SAR1A: variants seen among roughly 807,000 people sequenced by gnomAD.
SAR1A encodes small COPII coat GTPase SAR1A.
SAR1A carries 6 observed loss-of-function variants against 22.6 expected under a neutral mutation model. The ratio of observed to expected loss-of-function variants is 0.27; its 90% confidence interval spans 0.15 to 0.52. SAR1A has a LOEUF of 0.52. Among genes scored for constraint, SAR1A ranks in the 20% least tolerant of loss-of-function variants. The pLI, the probability that SAR1A is intolerant of heterozygous loss-of-function variation, is 0.96. For synonymous variants in SAR1A, 70 were observed against 82.2 expected (o/e 0.85, Z 0.80); for missense variants, 145 against 245.1 (o/e 0.59, Z 2.73).
At chr10:70,168,411 A>G (rs1839580208) in intron 1 of SAR1A, among the ~76,000 whole-genome samples, 1 of 152,158 alleles carries the variant, frequency 6.6e-6, no homozygotes, top group Non-Finnish European at 1.5e-5. Context: ...CCTGGCCAAC[A>G]TGGTGAAACC....
intron 1 of SAR1A, among the ~76,000 whole-genome samples, chr10:70,169,654 T>C (rs184498266): frequency 1.3e-5 from 2 of 152,162 alleles, no homozygotes; most frequent in Admixed American, 1.3e-4. Context: ...TTTGGGGTAG[T>C]AGGCGGCTGG....
intron 1 of SAR1A, chr10:70,162,873 A>G (rs772610728): frequency 3.9e-5 from 6 of 152,278 alleles, no homozygotes; most frequent in Admixed American, 3.9e-4. Flanking sequence ...CATTATTCTT[A>G]TATCTGTCAT....
intron 1 of SAR1A, chr10:70,163,927 G>A: frequency 1.9e-6 from 3 of 1,591,670 alleles, no homozygotes. Flanking sequence ...GACACAGACA[G>A]TGAAGAAGAA....
chr10:70,161,143 T>C, intron 3 of SAR1A, 74 bp from the exon 4 acceptor site: 2 of 1,015,710 alleles, frequency 2.0e-6, no homozygotes, highest in Non-Finnish European at 3.0e-6. Context: ...TATAAGCCAA[T>C]ATCAATGCTT....
intron 1 of SAR1A, among the ~76,000 whole-genome samples, chr10:70,162,167 C>G (rs1688736691): frequency 6.6e-6 from 1 of 151,872 alleles, no homozygotes. Flanking sequence ...AAGCTGGACT[C>G]AATCTCTACA....
intron 6 of SAR1A, 69 bp downstream of exon 6, chr10:70,153,769 G>C: frequency 3.8e-6 from 5 of 1,316,364 alleles, no homozygotes; most frequent in Non-Finnish European, 5.1e-6. Context: ...GGGTAATCTA[G>C]ATAGCGAAAC....
At chr10:70,159,876 GAATCTGGAAACC>G (rs1839445563) in intron 4 of SAR1A, among the ~76,000 whole-genome samples, 2 of 152,170 alleles carry the variant, frequency 1.3e-5, no homozygotes, top group Non-Finnish European at 2.9e-5. Context: ...CACCTGATAG[GAATCTGGAAACC>G]AAAGACATAG....
At chr10:70,168,389 G>A (rs1020258722) in intron 1 of SAR1A, among the ~76,000 whole-genome samples, 1 of 152,178 alleles carries the variant, frequency 6.6e-6, no homozygotes, top group Admixed American at 6.5e-5. Context: ...GAGGTCAGGA[G>A]TTCGAGATCA....
At chr10:70,167,767 T>G (rs1423541148) in intron 1 of SAR1A, among the ~76,000 whole-genome samples, 1 of 152,220 alleles carries the variant, frequency 6.6e-6, no homozygotes, top group Non-Finnish European at 1.5e-5. Flanking sequence ...TTTGGCAGTT[T>G]GGGTGGATAC....
chr10:70,152,408 T>C lies in SAR1A; in HGVS notation c.*68A>G, dbSNP rs2136708154. 1.6e-6 allele frequency: 2 copies of C among 1,248,310 alleles called. No homozygotes were observed. The highest frequency in any genetic ancestry group is 2.3e-5 in the East Asian group (1 of 43,016). The allele number at this position is 1,248,310 out of a possible 1,614,324, so 77.3% of individuals were successfully genotyped here. A position where few individuals can be genotyped will look rare whatever the true frequency, so the allele number is the denominator to read the frequency against. On this transcript the variant is annotated 3_prime_UTR_variant, in exon 7 of 7. Coordinates refer to ENST00000373241, the MANE Select transcript of SAR1A (RefSeq NM_020150.5). ...AGCTTTCCTTGTTCTATTAGAAAAG[T>C]TCATGAGGAAGCTGTGAATAGGATC...
In SAR1A at chr10:70,157,559, T is replaced by C. The variant is rs925103658; in HGVS notation, c.348+205A>G. The C allele has an allele frequency of 1.1e-4, 57 of 520,586 alleles. No homozygotes were observed. The highest frequency in any genetic ancestry group is 9.2e-4 in the African/African-American group (48 of 52,158). The allele number at this position is 520,586 out of a possible 1,614,324, so 32.2% of individuals were successfully genotyped here. A position where few individuals can be genotyped will look rare whatever the true frequency, so the allele number is the denominator to read the frequency against. On this transcript the variant is annotated intron_variant, in intron 5 of 6. Coordinates refer to ENST00000373241, the MANE Select transcript of SAR1A (RefSeq NM_020150.5). ...TATGATAGAAACAACAGTTAATTTA[T>C]TTAAGTTTGAGCTGAGTTTCCTCAG... is the stretch of plus-strand genomic sequence containing the variant.
Position 70,148,613 on chromosome 10 carries a change from A to G in SAR1A, c.*3863T>C, listed in dbSNP as rs1173938674. 1 of 151,976 alleles carries G rather than the reference A, an allele frequency of 6.6e-6. No homozygotes were observed. Among genetic ancestry groups the G allele is most frequent in the Admixed American group, 6.5e-5 (1 of 15,270 alleles). The allele number at this position is 151,976 out of a possible 1,614,324, so 9.4% of individuals were successfully genotyped here. A position where few individuals can be genotyped will look rare whatever the true frequency, so the allele number is the denominator to read the frequency against. Reference sequence around the variant, plus strand: ...AGACCAGCCTGGGCAACATGATGAGACCTTAACTCTACAAAAATTTTGAAA... The same window carrying G: ...AGACCAGCCTGGGCAACATGATGAGGCCTTAACTCTACAAAAATTTTGAAA... On this transcript the variant is annotated 3_prime_UTR_variant, in exon 7 of 7. Transcript: ENST00000373241.
chr10:70,165,497 CT>C (rs1839536375), intron 1 of SAR1A, among the ~76,000 whole-genome samples: 1 of 152,048 alleles, frequency 6.6e-6, no homozygotes, highest in South Asian at 2.1e-4. Flanking sequence ...GGGTTCGAGA[CT>C]TTGGAGGAAG....
intron 1 of SAR1A, among the ~76,000 whole-genome samples, chr10:70,167,214 T>C (rs2136723930): frequency 6.6e-6 from 1 of 152,194 alleles, no homozygotes; most frequent in Admixed American, 6.5e-5. Context: ...TGGTGGGTCT[T>C]AAGGTTTCTC....
At chr10:70,170,252 CGTCCCCGCCCAGAATCA>C (rs1287737003) in intron 1 of SAR1A, among the ~76,000 whole-genome samples, 144 bp downstream of exon 1, 1 of 151,798 alleles carries the variant, frequency 6.6e-6, no homozygotes, top group East Asian at 2.0e-4. Context: ...CAAGTTGTCC[CGTCCCCGCCCAGAATCA>C]GCCCCGCGGC....
At chr10:70,155,182 A>G in intron 5 of SAR1A, 1 of 476,686 alleles carries the variant, frequency 2.1e-6, no homozygotes, top group Non-Finnish European at 4.3e-6. Context: ...AGTATAATGA[A>G]TTCACAAATA....
At chr10:70,163,416 C>T (rs1346037146) in intron 1 of SAR1A, among the ~76,000 whole-genome samples, 1 of 152,152 alleles carries the variant, frequency 6.6e-6, no homozygotes, top group Non-Finnish European at 1.5e-5. Context: ...GATGTCATTG[C>T]TTGGCTTCAA....
intron 5 of SAR1A, 83 bp from the exon 6 acceptor site, chr10:70,154,052 G>T: frequency 9.5e-7 from 1 of 1,054,338 alleles, no homozygotes; most frequent in South Asian, 1.7e-5. Flanking sequence ...TGAAAATTCT[G>T]ACTTCCACTA....
chr10:70,165,008 G>C (rs571280918), intron 1 of SAR1A, among the ~76,000 whole-genome samples: 1 of 152,292 alleles, frequency 6.6e-6, no homozygotes, highest in South Asian at 2.1e-4. Context: ...TTTCATTTAA[G>C]AAATATATTT....
Sources: allele counts gnomAD v4.1 joint callset (sites outside exome capture counted in the v4.1 genomes callset), GRCh38; gene constraint gnomAD v4.1.1; transcripts MANE v1.5; gene names NCBI Gene and HGNC (gene_info 2026-07-23, HGNC 2026-07-21).